SEC14L4: variants seen among roughly 807,000 people sequenced by gnomAD.
The protein encoded by SEC14L4 is SEC14-like protein 4.
Under a neutral mutation model 55.1 loss-of-function variants are expected in SEC14L4, and 42 were observed. That is an observed-to-expected ratio of 0.76 (90% CI 0.60 to 0.99). The LOEUF is 0.99. Among genes scored for constraint, SEC14L4 ranks in the 50% least tolerant of loss-of-function variants. The probability of loss-of-function intolerance (pLI) is 0.00; values close to 1 mark genes in which losing one functional copy is unlikely to be tolerated. For synonymous variants in SEC14L4, 206 were observed against 206.8 expected, an observed-to-expected ratio of 1.00 and a Z score of 0.03; for missense variants, 445 against 512.1, an observed-to-expected ratio of 0.87 and a Z score of 1.27.
intron 2 of SEC14L4, among the ~76,000 whole-genome samples, chr22:30,498,950 ATTATTT>A (rs1270030330): frequency 1.3e-5 from 2 of 151,620 alleles, no homozygotes; most frequent in African/African-American, 2.4e-5. Context: ...TATTATTATT[ATTATTT>A]TTTTGATGGA....
chr22:30,491,295 G>C (rs1433249761), intron 11 of SEC14L4: 1 of 498,844 alleles, frequency 2.0e-6, no homozygotes, highest in East Asian at 3.3e-5. Context: ...CTAAGTCCAT[G>C]GCCTCTTACT....
rs149218268 is a variant in SEC14L4 at position 30,500,528 on chromosome 22, G to A, written c.130+3149C>T. 3.2e-3 allele frequency among the ~76,000 whole-genome samples: 487 copies of A among 151,742 alleles called. 4 individuals carry two copies. Among genetic ancestry groups the A allele is most frequent in the Non-Finnish European group, 5.8e-3 (391 of 67,926 alleles). ...ACTACAAGCATGCACCAACACACCCGGCTTATTTTTGAATTTTTTGTAGAG... is the reference window on the plus strand; with the variant it reads ...ACTACAAGCATGCACCAACACACCCAGCTTATTTTTGAATTTTTTGTAGAG... On this transcript the variant is annotated intron_variant, in intron 2 of 11. Coordinates refer to ENST00000255858, the MANE Select transcript of SEC14L4 (RefSeq NM_174977.4).
intron 2 of SEC14L4, among the ~76,000 whole-genome samples, chr22:30,500,369 A>T (rs867699311): frequency 4.6e-5 from 7 of 152,094 alleles, no homozygotes; most frequent in Non-Finnish European, 8.8e-5. Flanking sequence ...TTTCAAATTT[A>T]TTAGTGCATA....
intron 6 of SEC14L4, among the ~76,000 whole-genome samples, 199 bp downstream of exon 6, chr22:30,494,667 G>C (rs535436533): frequency 1.3e-5 from 2 of 152,118 alleles, no homozygotes; most frequent in East Asian, 3.9e-4. Context: ...GAGCCACCAC[G>C]CCTGGCCTCT....
At chr22:30,490,874 G>A (rs1305512911) in intron 11 of SEC14L4, among the ~76,000 whole-genome samples, 1 of 152,150 alleles carries the variant, frequency 6.6e-6, no homozygotes, top group Admixed American at 6.5e-5. Flanking sequence ...AGGAGGAATG[G>A]GCTGGGCTAC....
intron 11 of SEC14L4, 45 bp downstream of exon 11, chr22:30,491,528 G>A: frequency 6.2e-7 from 1 of 1,609,930 alleles, no homozygotes; most frequent in Non-Finnish European, 8.5e-7. Context: ...AAGCAGAGGG[G>A]AGACTGGCAG....
chr22:30,498,467 A>T (rs1248036613), intron 2 of SEC14L4, among the ~76,000 whole-genome samples: 1 of 152,118 alleles, frequency 6.6e-6, no homozygotes, highest in Non-Finnish European at 1.5e-5. Context: ...TTTTCTGTTG[A>T]TCCAGTTGGT....
intron 5 of SEC14L4, 36 bp downstream of exon 5, chr22:30,495,218 A>T (rs573123165): frequency 1.3e-6 from 2 of 1,549,214 alleles, no homozygotes; most frequent in African/African-American, 2.7e-5. Context: ...GCCACCCTGT[A>T]GACAGATGAG....
chr22:30,503,253 GTTTTTTGT>G (rs1338245584), intron 2 of SEC14L4, among the ~76,000 whole-genome samples: 6 of 151,158 alleles, frequency 4.0e-5, no homozygotes, highest in East Asian at 3.9e-4. Flanking sequence ...CAGACCCTGT[GTTTTTTGT>G]TTTTTTGTTT....
In SEC14L4 at chr22:30,495,960, C is replaced by T; in HGVS notation, c.142G>A (p.Asp48Asn). The change falls in exon 3 of 12, where the codon GAC becomes AAC. Residue 48 changes from aspartate to asparagine, a missense_variant. Coordinates refer to ENST00000255858, the MANE Select transcript of SEC14L4 (RefSeq NM_174977.4). ...AGCATGTCTTCGGATTTCTGCAGGT[C>T]AAAGTTTCGAGCTGCAAGAAGAGGA... ...LLRWLRARNF[D>N]LQKSEDMLRR... The T allele has an allele frequency of 1.2e-6, 2 of 1,613,916 alleles. No homozygotes were observed. Among genetic ancestry groups the T allele is most frequent in the Non-Finnish European group, 1.7e-6 (2 of 1,179,936 alleles).
chr22:30,505,162 G>T (rs1333361346), intron 1 of SEC14L4, among the ~76,000 whole-genome samples: 2 of 150,248 alleles, frequency 1.3e-5, no homozygotes, highest in Non-Finnish European at 3.0e-5. Context: ...TTACAGAGAA[G>T]CTTGGGCCCT....
At position 30,494,860 on chromosome 22, in the gene SEC14L4, C is replaced by A. The variant is rs1158109094; in HGVS notation, c.519+6G>T. On this transcript the variant is annotated splice_donor_region_variant and intron_variant, in intron 6 of 11. Coordinates refer to ENST00000255858, the MANE Select transcript of SEC14L4 (RefSeq NM_174977.4). ...ACACCAGCCCCAAGCCAGCCACCCA[C>A]CTTACCTGCTGGTAGACCTCCACAG... The A allele has an allele frequency of 1.9e-6, 3 of 1,608,836 alleles. No individual in the cohort carries two copies. Among genetic ancestry groups the A allele is most frequent in the Admixed American group, 3.3e-5 (2 of 59,954 alleles).
In SEC14L4 at chr22:30,492,174, G is replaced by A. The variant is rs753460948; in HGVS notation, c.665-19C>T. ...CAGTTGTCTGCATGGGAGCAAGAGA[G>A]GGACTCCAAAGGGACTCAGGAGACT... On this transcript the variant is annotated intron_variant, in intron 8 of 11. Coordinates refer to ENST00000255858, the MANE Select transcript of SEC14L4 (RefSeq NM_174977.4). 52 of 1,595,022 alleles carry A rather than the reference G, an allele frequency of 3.3e-5. No homozygotes were observed. Among genetic ancestry groups the A allele is most frequent in the Non-Finnish European group, 4.3e-5 (50 of 1,169,476 alleles).
chr22:30,497,744 A>G (rs558542845), intron 2 of SEC14L4, among the ~76,000 whole-genome samples: 12 of 152,292 alleles, frequency 7.9e-5, no homozygotes, highest in African/African-American at 2.9e-4. Context: ...ATTTGAAGAC[A>G]AGCCACCAAG....
rs775007023 is a variant in SEC14L4 at position 30,503,680 on chromosome 22, G to T, written c.127C>A (p.Arg43=). 5.0e-6 allele frequency: 8 copies of T among 1,609,026 alleles called. No homozygotes were observed. The highest frequency in any genetic ancestry group is 6.8e-6 in the Non-Finnish European group (8 of 1,176,468). ...CCCTGACCCCTGCAAGCCTCACCTC[G>T]CAGCCAGCGCAGGAGGAAGTAGTCA... The part of the protein sequence containing the change: ...ADDYFLLRWL[R]ARNFDLQKSE... The change falls in exon 2 of 12, where the codon CGA becomes AGA. Residue 43 remains arginine (R), a synonymous_variant. Transcript: ENST00000255858.
At chr22:30,496,508 A>G (rs968532545) in intron 2 of SEC14L4, among the ~76,000 whole-genome samples, 1 of 151,738 alleles carries the variant, frequency 6.6e-6, no homozygotes, top group Non-Finnish European at 1.5e-5. Context: ...TCTTCCTACA[A>G]CCTTCTGGAG....
rs770210318 is a variant in SEC14L4 at position 30,490,249 on chromosome 22, G to A, written c.1082-3C>T. On this transcript the variant is annotated splice_region_variant and splice_polypyrimidine_tract_variant and intron_variant, in intron 11 of 11. Transcript: ENST00000255858. ...GGTGTTGTCGAAGCGCAGGACATCT[G>A]CAGTGATGGAGAGGTGATCAGGGAG... 7 of 1,612,568 alleles carry A rather than the reference G, an allele frequency of 4.3e-6. No homozygotes were observed. Among genetic ancestry groups the A allele is most frequent in the Non-Finnish European group, 5.9e-6 (7 of 1,180,016 alleles).
chr22:30,504,903 T>C (rs1006180574), intron 1 of SEC14L4, among the ~76,000 whole-genome samples: 1 of 151,846 alleles, frequency 6.6e-6, no homozygotes. Flanking sequence ...GATCACAAGG[T>C]CAGGAGTTCG....
At chr22:30,502,296 AAGGTAG>A (rs1249564892) in intron 2 of SEC14L4, among the ~76,000 whole-genome samples, 1 of 152,204 alleles carries the variant, frequency 6.6e-6, no homozygotes, top group African/African-American at 2.4e-5. Flanking sequence ...CAGCGCCCTG[AAGGTAG>A]GGACCAGTAT....
Sources: gnomAD v4.1 joint callset for allele counts (sites outside exome capture counted in the v4.1 genomes callset) on GRCh38, gnomAD v4.1.1 for gene constraint, MANE v1.5 for transcripts, NCBI Gene and HGNC (gene_info 2026-07-23, HGNC 2026-07-21) for gene names.